CCSER1: variants seen among roughly 807,000 people sequenced by gnomAD.
The protein encoded by CCSER1 is coiled-coil serine rich protein 1, also known as serine-rich coiled-coil domain-containing protein 1.
A neutral mutation model predicts 82.0 loss-of-function variants in CCSER1; 41 were observed. That is an observed-to-expected ratio of 0.50 (90% CI 0.39 to 0.65). The LOEUF (loss-of-function observed/expected upper bound fraction) is 0.65. CCSER1 is among the 30% of genes least tolerant of loss of function. The pLI is 0.00. For synonymous variants in CCSER1, 414 were observed against 383.9 expected, an observed-to-expected ratio of 1.08 and a Z score of -0.92; for missense variants, 1,119 against 1,064.2, an observed-to-expected ratio of 1.05 and a Z score of -0.72.
At chr4:91,431,198 T>G (rs552805691) in intron 10 of CCSER1, among the ~76,000 whole-genome samples, 38 of 152,116 alleles carry the variant, frequency 2.5e-4, no homozygotes, top group Non-Finnish European at 4.9e-4. Context: ...ATGGCGCCAA[T>G]GCACTCCAGT....
intron 10 of CCSER1, among the ~76,000 whole-genome samples, chr4:91,457,848 C>G (rs1756276599): frequency 6.6e-6 from 1 of 152,010 alleles, no homozygotes; most frequent in Admixed American, 6.5e-5. Flanking sequence ...AGAATGGTAA[C>G]ACATTAATTC....
chr4:90,185,298 C>A (rs928910835), intron 1 of CCSER1, among the ~76,000 whole-genome samples: 19 of 152,010 alleles, frequency 1.2e-4, no homozygotes, highest in Non-Finnish European at 2.8e-4. Flanking sequence ...GTTTCTCTGG[C>A]AGCCTACTAT....
intron 1 of CCSER1, among the ~76,000 whole-genome samples, chr4:90,229,354 C>A (rs1002936625): frequency 5.9e-5 from 9 of 152,106 alleles, no homozygotes; most frequent in African/African-American, 2.2e-4. Flanking sequence ...CCCAGAATTT[C>A]ATATCCAGCC....
intron 10 of CCSER1, 33 bp downstream of exon 10, chr4:91,086,027 A>G: frequency 1.5e-6 from 2 of 1,305,394 alleles, no homozygotes; most frequent in Non-Finnish European, 2.2e-6. Flanking sequence ...GGTGGGAAAA[A>G]GAGGAAACAT....
At chr4:90,669,531 T>C (rs1419960794) in intron 6 of CCSER1, among the ~76,000 whole-genome samples, 1 of 152,106 alleles carries the variant, frequency 6.6e-6, no homozygotes, top group East Asian at 1.9e-4. Flanking sequence ...GTAAACATTA[T>C]TTAGAGAATA....
chr4:91,515,861 CTCTT>C (rs1306436969), intron 10 of CCSER1, among the ~76,000 whole-genome samples: 14 of 94,822 alleles, frequency 1.5e-4, no homozygotes, highest in South Asian at 1.3e-3. Context: ...TTGCCAGCAT[CTCTT>C]TTTTTTTTTT....
chr4:90,362,526 T>C (rs772411215), intron 3 of CCSER1, among the ~76,000 whole-genome samples: 3 of 152,208 alleles, frequency 2.0e-5, no homozygotes, highest in Admixed American at 6.5e-5. Flanking sequence ...TGATCACATA[T>C]TGATTTCTAG....
chr4:91,165,271 A>T (rs1382147034), intron 10 of CCSER1, among the ~76,000 whole-genome samples: 5 of 152,186 alleles, frequency 3.3e-5, no homozygotes, highest in African/African-American at 9.7e-5. Context: ...GAGGTTGCAG[A>T]ACAGCAAATA....
At chr4:91,140,714 T>C (rs981232939) in intron 10 of CCSER1, among the ~76,000 whole-genome samples, 5 of 152,238 alleles carry the variant, frequency 3.3e-5, no homozygotes, top group Non-Finnish European at 5.9e-5. Flanking sequence ...TTGCTTTTGA[T>C]GCCTAAATTC....
chr4:91,520,317 T>G (rs74666106), intron 10 of CCSER1, among the ~76,000 whole-genome samples: 1 of 151,906 alleles, frequency 6.6e-6, no homozygotes, highest in Non-Finnish European at 1.5e-5. Context: ...TTTTTTTTTT[T>G]AATCAGTGTT....
rs145433452 is a variant in CCSER1 at position 90,635,548 on chromosome 4, G to C, written c.1932+7316G>C. On this transcript the variant is annotated intron_variant, in intron 6 of 10. Transcript: ENST00000509176. ...ATAATATCACAAATCAAAATTTTCT[G>C]GATATAGTTAAAACTATAATTACAG... is the stretch of plus-strand genomic sequence containing the variant. 2.0e-3 allele frequency among the ~76,000 whole-genome samples: 310 copies of C among 151,776 alleles called. 1 individual carries two copies. The highest frequency in any genetic ancestry group is 7.1e-3 in the African/African-American group (293 of 41,500).
At chr4:91,180,131 G>A (rs1367050166) in intron 10 of CCSER1, among the ~76,000 whole-genome samples, 1 of 152,312 alleles carries the variant, frequency 6.6e-6, no homozygotes, top group East Asian at 1.9e-4. Flanking sequence ...AGCGAATATT[G>A]CAGAACAGCA....
In CCSER1 at chr4:91,118,973, T is replaced by C. The variant is rs1260775625; in HGVS notation, c.2217+32979T>C. Among the ~76,000 whole-genome samples, 14 of 152,330 alleles carry C rather than the reference T, an allele frequency of 9.2e-5. No individual in the cohort carries two copies. In the South Asian group the frequency reaches 2.7e-3, roughly 29 times the overall value. ...AATCTGCTTTGGGATTCTCAGTGAA[T>C]GTGCAAGTTAGTGTTTAAAAGACAA... On this transcript the variant is annotated intron_variant, in intron 10 of 10. Transcript: ENST00000509176.
chr4:90,821,643 G>A (rs62309559), intron 8 of CCSER1, among the ~76,000 whole-genome samples: 9,979 of 150,098 alleles, frequency 0.066, 451 homozygotes, highest in Admixed American at 0.12. Context: ...ATAGCTAAAC[G>A]TATGCATACT....
At chr4:90,340,389 G>A (rs1011516102) in intron 3 of CCSER1, among the ~76,000 whole-genome samples, 5 of 152,130 alleles carry the variant, frequency 3.3e-5, no homozygotes, top group Admixed American at 3.3e-4. Flanking sequence ...CCTGTGTAAT[G>A]AGAGACTTTT....
intron 5 of CCSER1, among the ~76,000 whole-genome samples, chr4:90,623,794 A>G (rs1158590574): frequency 1.3e-5 from 2 of 152,336 alleles, no homozygotes; most frequent in African/African-American, 4.8e-5. Flanking sequence ...GAAAGGAAAA[A>G]TGAAAAATAT....
At chr4:90,754,312 A>G (rs959845151) in intron 7 of CCSER1, among the ~76,000 whole-genome samples, 1 of 152,180 alleles carries the variant, frequency 6.6e-6, no homozygotes, top group African/African-American at 2.4e-5. Flanking sequence ...TTATTTTAAC[A>G]TATACGTTTA....
At chr4:91,193,158 A>T (rs941554035) in intron 10 of CCSER1, among the ~76,000 whole-genome samples, 1 of 152,092 alleles carries the variant, frequency 6.6e-6, no homozygotes, top group Non-Finnish European at 1.5e-5. Flanking sequence ...CTTTTACCTC[A>T]GTGTTGCTTG....
intron 1 of CCSER1, among the ~76,000 whole-genome samples, chr4:90,262,218 T>C (rs1210447128): frequency 6.6e-6 from 1 of 152,154 alleles, no homozygotes; most frequent in African/African-American, 2.4e-5. Flanking sequence ...TTGCTTTAAA[T>C]TGTTTTTAAA....
Sources: allele counts gnomAD v4.1 joint callset (sites outside exome capture counted in the v4.1 genomes callset), GRCh38; gene constraint gnomAD v4.1.1; transcripts MANE v1.5; gene names NCBI Gene and HGNC (gene_info 2026-07-23, HGNC 2026-07-21).